Variants in BMPR1A observed in about 807,000 individuals in gnomAD.
BMPR1A encodes bone morphogenetic protein receptor type-1A.
In BMPR1A, 7 loss-of-function variants were observed where a neutral mutation model predicts 66.0. The observed-to-expected ratio is 0.11, with a 90% CI of 0.06 to 0.20. The LOEUF is 0.20. BMPR1A is among the 10% of genes least tolerant of loss of function. The pLI is 1.00. For missense variants in BMPR1A, 408 were observed against 669.1 expected (o/e 0.61, Z 4.31); for synonymous variants, 200 against 229.7 (o/e 0.87, Z 1.17).
chr10:86,882,660 A>AG (rs1366870809), intron 3 of BMPR1A, among the ~76,000 whole-genome samples: 41 of 147,058 alleles, frequency 2.8e-4, no homozygotes, highest in African/African-American at 1.0e-3. Flanking sequence ...AACTACTTTT[A>AG]GGAAAAAAAA....
intron 1 of BMPR1A, among the ~76,000 whole-genome samples, chr10:86,809,393 G>A (rs1341658083): frequency 2.0e-5 from 3 of 151,414 alleles, no homozygotes; most frequent in Non-Finnish European, 4.4e-5. Flanking sequence ...ATGCTCAAGC[G>A]ATTCTCCCAC....
chr10:86,768,756 C>T, intron 1 of BMPR1A, among the ~76,000 whole-genome samples: 1 of 152,152 alleles, frequency 6.6e-6, no homozygotes, highest in South Asian at 2.1e-4. Flanking sequence ...GTGTTTATTG[C>T]TTTCTGTGCC....
intron 7 of BMPR1A, among the ~76,000 whole-genome samples, chr10:86,908,076 C>T (rs2133513013): frequency 6.6e-6 from 1 of 152,160 alleles, no homozygotes; most frequent in Non-Finnish European, 1.5e-5. Context: ...TGGTGGTGCA[C>T]ATCTGTGGTC....
intron 1 of BMPR1A, among the ~76,000 whole-genome samples, chr10:86,801,789 T>C (rs1202140515): frequency 6.6e-6 from 1 of 152,072 alleles, no homozygotes; most frequent in Non-Finnish European, 1.5e-5. Flanking sequence ...GTTGGCTCAC[T>C]GCAAGCTCTG....
intron 1 of BMPR1A, among the ~76,000 whole-genome samples, chr10:86,823,647 T>A (rs1651055530): frequency 6.6e-6 from 1 of 152,224 alleles, no homozygotes; most frequent in Non-Finnish European, 1.5e-5. Context: ...GTGTGTGCTG[T>A]GGGCATGGGC....
intron 1 of BMPR1A, among the ~76,000 whole-genome samples, chr10:86,771,920 G>T (rs1036235721): frequency 1.3e-5 from 2 of 151,992 alleles, no homozygotes; most frequent in Non-Finnish European, 2.9e-5. Flanking sequence ...GTGAGCCACT[G>T]TGCCTGGCTC....
At chr10:86,757,263 G>A (rs909735595) in intron 1 of BMPR1A, among the ~76,000 whole-genome samples, 7 of 152,168 alleles carry the variant, frequency 4.6e-5, no homozygotes, top group Non-Finnish European at 8.8e-5. Context: ...GGAGCGGCGA[G>A]GCTGATATTT....
chr10:86,791,895 T>TC (rs1197079346), intron 1 of BMPR1A, among the ~76,000 whole-genome samples: 2 of 149,630 alleles, frequency 1.3e-5, no homozygotes, highest in East Asian at 4.0e-4. Flanking sequence ...CTTTTTTTTT[T>TC]TTGCTAGAGA....
chr10:86,819,095 CTG>C (rs1046499139), intron 1 of BMPR1A, among the ~76,000 whole-genome samples: 10 of 152,162 alleles, frequency 6.6e-5, no homozygotes, highest in African/African-American at 1.9e-4. Context: ...GCTCTTACCT[CTG>C]TATCTTATAT....
rs12762016 is a variant in BMPR1A, at chr10:86,764,416, G to A, written c.-268+7497G>A. 0.27 allele frequency among the ~76,000 whole-genome samples: 40,469 copies of A among 152,156 alleles called. 6,802 individuals carry two copies. Among genetic ancestry groups the A allele is most frequent in the East Asian group, 0.7 (3,596 of 5,174 alleles). ...AATCAATGAAATATAATCGCTGGGTGACAGATTATTCTTCCTTCATTTTAT... is the reference window on the plus strand; with the variant it reads ...AATCAATGAAATATAATCGCTGGGTAACAGATTATTCTTCCTTCATTTTAT... On this transcript the variant is annotated intron_variant, in intron 1 of 12. Coordinates refer to ENST00000372037, the MANE Select transcript of BMPR1A (RefSeq NM_004329.3).
At chr10:86,842,384 GCAGAGCC>G (rs1198792072) in intron 2 of BMPR1A, among the ~76,000 whole-genome samples, 1 of 152,200 alleles carries the variant, frequency 6.6e-6, no homozygotes, top group African/African-American at 2.4e-5. Flanking sequence ...TTAATTTCAT[GCAGAGCC>G]CAGAGCGGGG....
intron 1 of BMPR1A, among the ~76,000 whole-genome samples, chr10:86,774,147 G>A (rs187404085): frequency 5.2e-4 from 79 of 152,166 alleles, no homozygotes; most frequent in Non-Finnish European, 8.8e-4. Context: ...ACCGCGCCCA[G>A]CCTTTAATTC....
At chr10:86,839,387 GT>G (rs1339860101) in intron 2 of BMPR1A, among the ~76,000 whole-genome samples, 1 of 152,076 alleles carries the variant, frequency 6.6e-6, no homozygotes, top group African/African-American at 2.4e-5. Context: ...GAGGCCAGGA[GT>G]TCGAGACCAG....
chr10:86,829,182 A>G (rs1842235758), intron 1 of BMPR1A, among the ~76,000 whole-genome samples: 1 of 151,880 alleles, frequency 6.6e-6, no homozygotes, highest in Non-Finnish European at 1.5e-5. Flanking sequence ...TTTCGTAGTG[A>G]TTTTTTCTTC....
Position 86,814,784 on chromosome 10 carries a change from T to G in BMPR1A, c.-267-24081T>G, listed in dbSNP as rs1362403060. On this transcript the variant is annotated intron_variant, in intron 1 of 12. Transcript: ENST00000372037. ...TGTTCCCGATTCCTTCACTGTTTTT[T>G]TTTGTTTGTTTGTTTTTTTGAGACG... Among the ~76,000 whole-genome samples the G allele has an allele frequency of 9.2e-5, 14 of 152,238 alleles. No homozygotes were observed. The East Asian group carries it at 2.3e-3, about 25-fold the overall frequency.
chr10:86,911,993 C>T (rs1479670194), intron 7 of BMPR1A, among the ~76,000 whole-genome samples: 1 of 152,086 alleles, frequency 6.6e-6, no homozygotes, highest in East Asian at 1.9e-4. Context: ...TGACACTTCA[C>T]ATCTGATTTT....
chr10:86,917,840 A>G (rs1589290988), intron 9 of BMPR1A, among the ~76,000 whole-genome samples: 1 of 152,052 alleles, frequency 6.6e-6, no homozygotes, highest in Non-Finnish European at 1.5e-5. Flanking sequence ...CCTCCCTTTA[A>G]TTTGGAGAGC....
chr10:86,855,208 T>C, intron 2 of BMPR1A: 1 of 808,640 alleles, frequency 1.2e-6, no homozygotes, highest in Non-Finnish European at 1.8e-6. Context: ...CCTGCGTCGC[T>C]AAGTTTTTTA....
chr10:86,785,181 A>G (rs918845522), intron 1 of BMPR1A, among the ~76,000 whole-genome samples: 1 of 152,210 alleles, frequency 6.6e-6, no homozygotes, highest in African/African-American at 2.4e-5. Flanking sequence ...GATACTTGCT[A>G]TGATTTCAGT....
Sources: allele counts gnomAD v4.1 joint callset (sites outside exome capture counted in the v4.1 genomes callset), GRCh38; gene constraint gnomAD v4.1.1; transcripts MANE v1.5; gene names NCBI Gene and HGNC (gene_info 2026-07-23, HGNC 2026-07-21).